Variants in NF2 observed in about 807,000 individuals in gnomAD.
NF2 encodes merlin.
A neutral mutation model predicts 83.7 loss-of-function variants in NF2; 8 were observed. The ratio of observed to expected loss-of-function variants is 0.10; its 90% CI spans 0.06 to 0.17. The LOEUF (loss-of-function observed/expected upper bound fraction) is 0.17. Among genes scored for constraint, NF2 ranks in the 10% least tolerant of loss-of-function variants. The pLI is 1.00. For missense variants in NF2, 533 were observed against 744.4 expected (o/e 0.72, Z 3.31); for synonymous variants, 266 against 269.6 (o/e 0.99, Z 0.13).
At chr22:29,649,300 G>T (rs578201192) in intron 4 of NF2, among the ~76,000 whole-genome samples, 1 of 152,210 alleles carries the variant, frequency 6.6e-6, no homozygotes, top group Non-Finnish European at 1.5e-5. Flanking sequence ...ACTGATACTG[G>T]CCAGGCACGG....
intron 11 of NF2, 55 bp from the exon 12 acceptor site, chr22:29,673,214 T>C: frequency 6.5e-7 from 1 of 1,535,102 alleles, no homozygotes; most frequent in Non-Finnish European, 8.8e-7. Flanking sequence ...AAGGCAGATC[T>C]GGGCGGGAGA....
chr22:29,616,201 A>G (rs1403744552), intron 1 of NF2, among the ~76,000 whole-genome samples: 2 of 152,190 alleles, frequency 1.3e-5, no homozygotes, highest in African/African-American at 4.8e-5. Flanking sequence ...TGAAATATAC[A>G]AGGTTTTATT....
Position 29,636,677 on chromosome 22 carries a change from T to C in NF2, c.115-74T>C. On this transcript the variant is annotated intron_variant, in intron 1 of 15. Transcript: ENST00000338641. The surrounding 1 kb of genome is among the most constrained non-coding windows in gnomAD (Gnocchi z 4.4). The stretch of plus-strand genomic sequence containing the variant: ...ATCCCCACGTTTTGGAACCTGAGAG[T>C]GGAGAGTGCAGAGAAAAGGTTTTAT... The C allele has an allele frequency of 6.3e-7, 1 of 1,599,652 alleles. No homozygotes were observed. Among genetic ancestry groups the C allele is most frequent in the Non-Finnish European group, 8.6e-7 (1 of 1,167,464 alleles).
intron 1 of NF2, among the ~76,000 whole-genome samples, chr22:29,611,976 C>G (rs1038129657): frequency 3.3e-5 from 5 of 152,188 alleles, no homozygotes; most frequent in African/African-American, 1.2e-4. Flanking sequence ...AACTTATACT[C>G]TAAAAGCTGT....
At chr22:29,649,713 G>A (rs2066088920) in intron 4 of NF2, among the ~76,000 whole-genome samples, 1 of 151,562 alleles carries the variant, frequency 6.6e-6, no homozygotes, top group Non-Finnish European at 1.5e-5. Context: ...CTGCACTCTA[G>A]CCTGGGGTGA....
At chr22:29,672,004 T>A (rs199684851) in intron 11 of NF2, 56 bp downstream of exon 11, 6 of 1,613,116 alleles carry the variant, frequency 3.7e-6, no homozygotes, top group Non-Finnish European at 5.1e-6. Flanking sequence ...CCTTGGCTTT[T>A]CTGGAGCTTG....
intron 6 of NF2, among the ~76,000 whole-genome samples, chr22:29,655,941 A>ATT (rs59436932): frequency 2.5e-3 from 354 of 142,622 alleles, no homozygotes; most frequent in African/African-American, 8.5e-3. Context: ...TAAGTTTAAG[A>ATT]TTTTTTTTTT....
chr22:29,642,146 C>A (rs2146891655), intron 3 of NF2, 56 bp from the exon 4 acceptor site: 1 of 1,398,046 alleles, frequency 7.2e-7, no homozygotes, highest in Non-Finnish European at 1.0e-6. Context: ...TGTGATCAGC[C>A]TACACACCTC....
intron 1 of NF2, among the ~76,000 whole-genome samples, chr22:29,629,026 C>T (rs2065443044): frequency 6.6e-6 from 1 of 152,112 alleles, no homozygotes; most frequent in South Asian, 2.1e-4. Context: ...TCCCCACTCC[C>T]CTCTTTTTGC....
chr22:29,631,906 G>T (rs1466538757), intron 1 of NF2, among the ~76,000 whole-genome samples: 1 of 152,202 alleles, frequency 6.6e-6, no homozygotes, highest in Non-Finnish European at 1.5e-5. Context: ...TACCAATGGA[G>T]ACAACCATCA....
chr22:29,683,434 C>T, intron 15 of NF2: 1 of 1,257,768 alleles, frequency 8.0e-7, no homozygotes, highest in Non-Finnish European at 1.0e-6. Context: ...TGGGGTCAAT[C>T]TGGGCACTTT....
chr22:29,665,229 T>C (rs1569300258), intron 9 of NF2, among the ~76,000 whole-genome samples, 165 bp downstream of exon 9: 1 of 140,546 alleles, frequency 7.1e-6, no homozygotes, highest in East Asian at 2.3e-4. Context: ...AATTATATCA[T>C]GAAGAAGTTT....
Position 29,639,148 on chromosome 22 carries a change from T to C in NF2, c.299T>C (p.Phe100Ser). 6.2e-7 allele frequency: 1 copy of C among 1,614,188 alleles called. No individual in the cohort carries two copies. Residue 100 changes from phenylalanine to serine, a missense_variant, in exon 3 of 16, where the codon TTT (phenylalanine) becomes TCT (serine). This residue lies in a region of NF2 where 326 missense variants were observed against 475.1 expected (regional missense o/e 0.69). Coordinates refer to ENST00000338641, the MANE Select transcript of NF2 (RefSeq NM_000268.4). ...EPVTFHFLAK[F>S]YPENAEEELV... is the part of the protein sequence containing the mutation. The stretch of plus-strand genomic sequence containing the variant: ...GTCACCTTTCACTTCTTGGCCAAAT[T>C]TTATCCTGAGAATGCTGAAGAGGAG...
At chr22:29,672,867 G>A (rs949190857) in intron 11 of NF2, among the ~76,000 whole-genome samples, 4 of 151,806 alleles carry the variant, frequency 2.6e-5, no homozygotes, top group Non-Finnish European at 5.9e-5. Flanking sequence ...TGATCTGCCC[G>A]CCTCAGCCTC....
At chr22:29,648,541 G>A (rs1174691780) in intron 4 of NF2, among the ~76,000 whole-genome samples, 1 of 152,232 alleles carries the variant, frequency 6.6e-6, no homozygotes, top group Non-Finnish European at 1.5e-5. Flanking sequence ...GAGACACACC[G>A]CTGGCTGTTC....
At chr22:29,654,788 C>A (rs1157071720) in intron 5 of NF2, 63 bp downstream of exon 5, 1 of 1,269,816 alleles carries the variant, frequency 7.9e-7, no homozygotes, top group East Asian at 2.3e-5. Context: ...AGAAAGCTAA[C>A]CAAAGGACTT....
At chr22:29,624,809 C>CTTTCTTTCT (rs1569272727) in intron 1 of NF2, among the ~76,000 whole-genome samples, 3 of 78,452 alleles carry the variant, frequency 3.8e-5, no homozygotes, top group African/African-American at 1.6e-4. Flanking sequence ...CTCTTTCTTT[C>CTTTCTTTCT]TTTCTTTCTT....
intron 1 of NF2, chr22:29,609,332 A>T (rs1188960318): frequency 1.5e-6 from 1 of 647,788 alleles, no homozygotes; most frequent in Admixed American, 1.9e-5. Context: ...ATCTTTGGCT[A>T]TAGAGGTCGC....
At chr22:29,632,150 TG>T (rs1266313293) in intron 1 of NF2, among the ~76,000 whole-genome samples, 2 of 152,226 alleles carry the variant, frequency 1.3e-5, no homozygotes, top group African/African-American at 2.4e-5. Flanking sequence ...ATTTTTATTT[TG>T]TTTTTTTTGT....
Sources: gnomAD v4.1 joint callset for allele counts (sites outside exome capture counted in the v4.1 genomes callset) on GRCh38, gnomAD v4.1.1 for gene constraint, gnomAD v4.1.1 regional missense constraint, Gnocchi (gnomAD v3.1) non-coding constraint, MANE v1.5 for transcripts, NCBI Gene and HGNC (gene_info 2026-07-23, HGNC 2026-07-21) for gene names.